The following YEATS2 variants were observed in gnomAD, a reference collection of about 807,000 sequenced individuals.
YEATS2 encodes the protein YEATS domain containing 2.
Under a neutral mutation model 163.2 loss-of-function variants are expected in YEATS2, and 77 were observed. The observed-to-expected ratio is 0.47, with a 90% confidence interval of 0.39 to 0.57. The LOEUF is 0.57. YEATS2 is among the 20% of genes least tolerant of loss of function. The pLI is 0.00. For synonymous variants in YEATS2, 631 were observed against 645.1 expected (o/e 0.98, Z 0.33); for missense variants, 1,549 against 1,729.8 (o/e 0.90, Z 1.85).
At chr3:183,778,111 C>CAAAAAAAAAAAAAAAAAA (rs569250141) in intron 19 of YEATS2, among the ~76,000 whole-genome samples, 6 of 56,054 alleles carry the variant, frequency 1.1e-4, no homozygotes, top group East Asian at 6.4e-4. Flanking sequence ...GATTCTGTCT[C>CAAAAAAAAAAAAAAAAAA]AAAAAAAAAA....
In YEATS2 at chr3:183,804,181, C is replaced by T. The variant is rs767162450; in HGVS notation, c.3777C>T (p.Ser1259=). Residue 1259 remains serine, a synonymous_variant, in exon 27 of 31, where the codon AGC becomes AGT. Coordinates refer to ENST00000305135, the MANE Select transcript of YEATS2 (RefSeq NM_018023.5). ...SIEDVLTQID[S]EPECPSSFSS... ...AGGACGTGCTGACCCAGATCGACAG[C>T]GAGCCCGGTAAGCCTTCAGTGGCAC... is the stretch of plus-strand genomic sequence containing the variant. The T allele has an allele frequency of 2.3e-5, 37 of 1,614,116 alleles. No individual in the cohort carries two copies. Among genetic ancestry groups the T allele is most frequent in the East Asian group, 1.8e-4 (8 of 44,870 alleles).
chr3:183,801,346 T>G, intron 24 of YEATS2, 109 bp from the exon 25 acceptor site: 1 of 679,874 alleles, frequency 1.5e-6, no homozygotes, highest in East Asian at 3.1e-5. Flanking sequence ...GTTTTAATTA[T>G]AATTCCCTCA....
intron 13 of YEATS2, among the ~76,000 whole-genome samples, chr3:183,759,253 G>T (rs1010772592): frequency 1.3e-5 from 2 of 152,146 alleles, no homozygotes; most frequent in African/African-American, 4.8e-5. Flanking sequence ...TAAGTATCTA[G>T]ACTTTACTAC....
At chr3:183,747,514 A>G (rs1719671603) in intron 8 of YEATS2, among the ~76,000 whole-genome samples, 158 bp from the exon 9 acceptor site, 1 of 152,082 alleles carries the variant, frequency 6.6e-6, no homozygotes, top group Non-Finnish European at 1.5e-5. Context: ...ATTTTACTCA[A>G]TTTTTTATTG....
intron 9 of YEATS2, among the ~76,000 whole-genome samples, chr3:183,748,351 A>G (rs1447005330): frequency 6.7e-6 from 1 of 149,974 alleles, no homozygotes; most frequent in African/African-American, 2.5e-5. Context: ...TCCTGGGTTC[A>G]AGCGATTCTC....
chr3:183,799,107 T>C lies in YEATS2; in HGVS notation c.3325+118T>C. The C allele has an allele frequency of 5.0e-6, 4 of 803,208 alleles. No individual in the cohort carries two copies. The South Asian group carries it at 6.1e-5, about 12-fold the overall frequency. The allele number at this position is 803,208 out of a possible 1,614,324, so 49.8% of individuals were successfully genotyped here. ...GGACATTACCATAATCTGAATCTTT[T>C]GAATTTTCAGCATTTGTGAATCAGT... On this transcript the variant is annotated intron_variant, in intron 23 of 30. Coordinates refer to ENST00000305135, the MANE Select transcript of YEATS2 (RefSeq NM_018023.5).
intron 15 of YEATS2, among the ~76,000 whole-genome samples, chr3:183,764,255 C>T (rs1721666683): frequency 6.7e-6 from 1 of 150,242 alleles, no homozygotes; most frequent in South Asian, 2.1e-4. Context: ...CCTGTAATCT[C>T]AACTAGTCAG....
chr3:183,806,584 G>A (rs1726229182), intron 27 of YEATS2: 1 of 466,012 alleles, frequency 2.1e-6, no homozygotes, highest in Non-Finnish European at 4.0e-6. Context: ...TCAGAGGGAG[G>A]GGGATGACCT....
intron 15 of YEATS2, among the ~76,000 whole-genome samples, chr3:183,763,282 G>A (rs1038260760): frequency 6.6e-6 from 1 of 152,054 alleles, no homozygotes; most frequent in African/African-American, 2.4e-5. Context: ...AACCTGTTCC[G>A]CATGTTACTA....
At chr3:183,759,559 T>TA (rs1053904472) in intron 13 of YEATS2, among the ~76,000 whole-genome samples, 12 of 151,912 alleles carry the variant, frequency 7.9e-5, no homozygotes, top group Non-Finnish European at 1.8e-4. Flanking sequence ...CCTTAACCCA[T>TA]AAAAAAAATA....
chr3:183,746,219 C>T (rs969288419), intron 8 of YEATS2, among the ~76,000 whole-genome samples: 9 of 152,038 alleles, frequency 5.9e-5, no homozygotes, highest in African/African-American at 1.9e-4. Context: ...CATGCCACCA[C>T]ACCTGGCTAA....
chr3:183,734,296 A>G (rs1192156230), intron 7 of YEATS2, among the ~76,000 whole-genome samples: 1 of 152,168 alleles, frequency 6.6e-6, no homozygotes, highest in Non-Finnish European at 1.5e-5. Context: ...TGGCTAAAGC[A>G]TGGCCCTGGA....
Position 183,747,823 on chromosome 3 carries a change from A to T in YEATS2, c.969+107A>T. 3.0e-6 allele frequency: 3 copies of T among 1,006,242 alleles called. No homozygotes were observed. In the South Asian group the frequency reaches 4.0e-5, roughly 13 times the overall value. 62.3% of individuals were successfully genotyped at this position (1,006,242 alleles called of 1,614,324 possible). On this transcript the variant is annotated intron_variant, in intron 9 of 30. Coordinates refer to ENST00000305135, the MANE Select transcript of YEATS2 (RefSeq NM_018023.5). ...AGACGGGGTCTTCGCTCTGTCACCC[A>T]GGCTGGAGTGCAGTGGCATGATCTC... is the stretch of plus-strand genomic sequence containing the variant.
chr3:183,786,387 G>T, intron 20 of YEATS2, 86 bp downstream of exon 20: 5 of 1,322,490 alleles, frequency 3.8e-6, no homozygotes, highest in South Asian at 3.0e-5. Flanking sequence ...GCACACCAGT[G>T]GACCTTTTAA....
chr3:183,727,580 C>A (rs943680782), intron 6 of YEATS2, among the ~76,000 whole-genome samples: 3 of 152,100 alleles, frequency 2.0e-5, no homozygotes, highest in Non-Finnish European at 2.9e-5. Flanking sequence ...GCAACTTGGC[C>A]CCCCCATATC....
At chr3:183,701,891 A>C (rs1427743125) in intron 1 of YEATS2, among the ~76,000 whole-genome samples, 1 of 152,148 alleles carries the variant, frequency 6.6e-6, no homozygotes, top group African/African-American at 2.4e-5. Flanking sequence ...GGTTCCCCAC[A>C]GCTCACTCCT....
At chr3:183,722,255 CT>C in intron 5 of YEATS2, 119 bp downstream of exon 5, 1 of 845,490 alleles carries the variant, frequency 1.2e-6, no homozygotes, top group South Asian at 2.7e-5. Context: ...GTTTGTTTTC[CT>C]TTTATAATGG....
chr3:183,764,091 G>A (rs1234272288), intron 15 of YEATS2, among the ~76,000 whole-genome samples: 1 of 151,948 alleles, frequency 6.6e-6, no homozygotes, highest in Non-Finnish European at 1.5e-5. Flanking sequence ...AAAAACAATG[G>A]CTGGGCACGG....
intron 8 of YEATS2, among the ~76,000 whole-genome samples, chr3:183,745,669 C>T (rs60850133): frequency 0.024 from 3,629 of 152,104 alleles, 150 homozygotes; most frequent in African/African-American, 0.083. Context: ...ATTTAAAGTT[C>T]CTAGAATGTG....
Sources: gnomAD v4.1 joint callset for allele counts (sites outside exome capture counted in the v4.1 genomes callset) on GRCh38, gnomAD v4.1.1 for gene constraint, MANE v1.5 for transcripts, NCBI Gene and HGNC (gene_info 2026-07-23, HGNC 2026-07-21) for gene names.